The following CERS6 variants were observed in gnomAD, a reference collection of about 807,000 sequenced individuals.
CERS6 encodes the protein LAG1 homolog, ceramide synthase 6.
In CERS6, 26 loss-of-function variants were observed where a neutral mutation model predicts 56.8. The ratio of observed to expected loss-of-function variants is 0.46; its 90% CI spans 0.34 to 0.63. CERS6 has a LOEUF of 0.63. Among genes scored for constraint, CERS6 ranks in the 30% least tolerant of loss-of-function variants. The pLI is 0.01. For missense variants in CERS6, 415 were observed against 467.5 expected (o/e 0.89, Z 1.04); for synonymous variants, 164 against 173.3 (o/e 0.95, Z 0.42).
At chr2:168,481,242 C>T (rs1320620060) in intron 1 of CERS6, among the ~76,000 whole-genome samples, 4 of 152,088 alleles carry the variant, frequency 2.6e-5, no homozygotes, top group Non-Finnish European at 2.9e-5. Context: ...GGTGTAACCC[C>T]GTCTCAACTA....
intron 3 of CERS6, among the ~76,000 whole-genome samples, chr2:168,629,919 C>T (rs1684673147): frequency 6.6e-6 from 1 of 151,758 alleles, no homozygotes. Context: ...GGGTTCACGC[C>T]ATTCTCCTGC....
Position 168,496,455 on chromosome 2 carries a change from G to A in CERS6, c.170+39837G>A, listed in dbSNP as rs576793886. ...TAAGCGGGTGGTCTGAGTTTAAGGC[G>A]AAAATGATAGGAAGCCATCAGGCTC... is the stretch of plus-strand genomic sequence containing the variant. On this transcript the variant is annotated intron_variant, in intron 1 of 9. Coordinates refer to ENST00000305747, the MANE Select transcript of CERS6 (RefSeq NM_203463.3). 2.6e-4 allele frequency among the ~76,000 whole-genome samples: 39 copies of A among 152,136 alleles called. No individual in the cohort carries two copies. The South Asian group carries it at 7.1e-3, about 28-fold the overall frequency.
intron 1 of CERS6, among the ~76,000 whole-genome samples, chr2:168,528,195 G>A (rs1695103528): frequency 6.6e-6 from 1 of 152,120 alleles, no homozygotes; most frequent in South Asian, 2.1e-4. Context: ...TACTATTATA[G>A]TATTACAGAA....
Position 168,456,331 on chromosome 2 carries a change from G to C in CERS6, c.-118G>C, listed in dbSNP as rs1558955316. ...CGGAGGAGGCGGCGGCGGCGGGCGG[G>C]AGCAGCGGCGGCGGCGGCACAGGCT... On this transcript the variant is annotated 5_prime_UTR_variant, in exon 1 of 10. Transcript: ENST00000305747. This position sits in a 1 kb window ranked among gnomAD's most constrained non-coding sequence, Gnocchi z 4.1. 3 of 556,814 alleles carry C rather than the reference G, an allele frequency of 5.4e-6. No individual in the cohort carries two copies. The highest frequency in any genetic ancestry group is 4.1e-5 in the African/African-American group (2 of 49,168). The allele number at this position is 556,814 out of a possible 1,614,324, so 34.5% of individuals were successfully genotyped here.
chr2:168,544,859 T>C (rs1695435376), intron 1 of CERS6, among the ~76,000 whole-genome samples: 1 of 152,068 alleles, frequency 6.6e-6, no homozygotes, highest in Admixed American at 6.6e-5. Flanking sequence ...ATGTCCCTGG[T>C]TTTTTTCAGT....
intron 4 of CERS6, among the ~76,000 whole-genome samples, chr2:168,648,531 G>C (rs1241309787): frequency 3.9e-5 from 6 of 151,902 alleles, no homozygotes; most frequent in Non-Finnish European, 7.4e-5. Context: ...CTTTAATTCA[G>C]CTCTGATTTT....
intron 3 of CERS6, among the ~76,000 whole-genome samples, chr2:168,565,530 T>C (rs192607959): frequency 1.1e-4 from 17 of 152,316 alleles, no homozygotes; most frequent in African/African-American, 4.1e-4. Flanking sequence ...TTTTCTATTA[T>C]ATAAGTTCCT....
At chr2:168,588,080 ATTTTTT>A (rs11396816) in intron 3 of CERS6, among the ~76,000 whole-genome samples, 6 of 138,536 alleles carry the variant, frequency 4.3e-5, no homozygotes, top group Non-Finnish European at 7.7e-5. Flanking sequence ...TACCTGGCTA[ATTTTTT>A]TTTTTTTTTT....
intron 8 of CERS6, among the ~76,000 whole-genome samples, chr2:168,727,617 A>G (rs986523937): frequency 6.6e-6 from 1 of 152,124 alleles, no homozygotes; most frequent in Non-Finnish European, 1.5e-5. Context: ...TAAGATTTGA[A>G]ATTCATCTAG....
chr2:168,517,897 G>T (rs1022566724), intron 1 of CERS6, among the ~76,000 whole-genome samples: 6 of 152,238 alleles, frequency 3.9e-5, no homozygotes, highest in African/African-American at 1.4e-4. Context: ...TATACAGATG[G>T]CACATTCCTT....
chr2:168,471,398 A>G (rs934486394), intron 1 of CERS6, among the ~76,000 whole-genome samples: 3 of 152,224 alleles, frequency 2.0e-5, no homozygotes, highest in Non-Finnish European at 4.4e-5. Context: ...AATGTTATTT[A>G]TTACATACTA....
intron 3 of CERS6, among the ~76,000 whole-genome samples, chr2:168,616,310 A>G (rs887517293): frequency 1.3e-5 from 2 of 152,192 alleles, no homozygotes; most frequent in Non-Finnish European, 2.9e-5. Flanking sequence ...CAAAAATACA[A>G]TTTAGGAAAA....
At chr2:168,505,382 C>CAAAAAAAAAAA (rs370477008) in intron 1 of CERS6, among the ~76,000 whole-genome samples, 534 of 93,854 alleles carry the variant, frequency 5.7e-3, no homozygotes, top group Non-Finnish European at 6.6e-3. Context: ...ACCCTGTTTC[C>CAAAAAAAAAAA]AAAAAAAAAA....
chr2:168,633,176 TA>T lies in CERS6; in HGVS notation c.465+2145del, dbSNP rs79199606. Among the ~76,000 whole-genome samples, 204 of 139,960 alleles carry T rather than the reference TA, an allele frequency of 1.5e-3. 1 individual carries two copies. Among genetic ancestry groups the T allele is most frequent in the East Asian group, 0.013 (66 of 4,900 alleles). The allele number at this position is 139,960 out of a possible 152,430, so 91.8% of individuals were successfully genotyped here. On this transcript the variant is annotated intron_variant, in intron 4 of 9. Transcript: ENST00000305747. ...TATAACAAATGCTTTTTTTTTTTAA[TA>T]AAAAAAAAAAGGAAAGGAAAGAAGA...
At chr2:168,676,515 C>G (rs748933576) in intron 4 of CERS6, among the ~76,000 whole-genome samples, 1 of 152,080 alleles carries the variant, frequency 6.6e-6, no homozygotes, top group Non-Finnish European at 1.5e-5. Flanking sequence ...ACATGTTTTC[C>G]AAAATACTAA....
At position 168,771,706 on chromosome 2, in the gene CERS6, ATTAACT is replaced by A. The variant is rs1300184601; in HGVS notation, c.*2048_*2053del. ...GGGGCAAGTCCTCTCAATGGCTAAA[ATTAACT>A]TTAGAGATCCATGTGTTCAGGTTTA... On this transcript the variant is annotated 3_prime_UTR_variant, in exon 10 of 10. Coordinates refer to ENST00000305747, the MANE Select transcript of CERS6 (RefSeq NM_203463.3). The A allele has an allele frequency of 1.3e-5, 2 of 152,226 alleles. No homozygotes were observed. Among genetic ancestry groups the A allele is most frequent in the African/African-American group, 2.4e-5 (1 of 41,464 alleles). 9.4% of individuals were successfully genotyped at this position (152,226 alleles called of 1,614,324 possible). A position where few individuals can be genotyped will look rare whatever the true frequency, so the allele number is the denominator to read the frequency against.
At chr2:168,763,563 GT>G (rs1304326431) in intron 8 of CERS6, among the ~76,000 whole-genome samples, 2 of 151,952 alleles carry the variant, frequency 1.3e-5, no homozygotes, top group African/African-American at 2.4e-5. Flanking sequence ...TGCCTGGCCT[GT>G]TTTTTTCTTT....
At chr2:168,671,155 C>T (rs1390594206) in intron 4 of CERS6, among the ~76,000 whole-genome samples, 1 of 151,804 alleles carries the variant, frequency 6.6e-6, no homozygotes, top group Non-Finnish European at 1.5e-5. Flanking sequence ...TCAGTAGAGA[C>T]AGGGTTTCAC....
intron 3 of CERS6, among the ~76,000 whole-genome samples, chr2:168,607,372 A>G (rs76202359): frequency 1.3e-5 from 2 of 152,190 alleles, no homozygotes; most frequent in East Asian, 1.9e-4. Flanking sequence ...CAAAACTAGT[A>G]TATCTTTTTT....
Sources: gnomAD v4.1 joint callset for allele counts (sites outside exome capture counted in the v4.1 genomes callset) on GRCh38, gnomAD v4.1.1 for gene constraint, Gnocchi (gnomAD v3.1) non-coding constraint, MANE v1.5 for transcripts, NCBI Gene and HGNC (gene_info 2026-07-23, HGNC 2026-07-21) for gene names.